Variants in NMNAT2 observed in about 807,000 individuals in gnomAD.
NMNAT2 encodes nicotinamide nucleotide adenylyltransferase 2, also known as nicotinamide/nicotinic acid mononucleotide adenylyltransferase 2.
NMNAT2 carries 11 observed loss-of-function variants against 41.6 expected under a neutral mutation model. The observed-to-expected ratio is 0.26, with a 90% CI of 0.17 to 0.44. The LOEUF is 0.44. Ranked by LOEUF, NMNAT2 falls within the 20% of genes least tolerant of loss-of-function variation. NMNAT2 has a pLI of 1.00. For missense variants in NMNAT2, 288 were observed against 407.7 expected (o/e 0.71, Z 2.53); for synonymous variants, 148 against 151.2 (o/e 0.98, Z 0.16).
At chr1:183,365,322 G>A (rs1424630285) in intron 1 of NMNAT2, among the ~76,000 whole-genome samples, 1 of 152,038 alleles carries the variant, frequency 6.6e-6, no homozygotes, top group Non-Finnish European at 1.5e-5. Context: ...CGGCAGCCCA[G>A]GGAGGATTAG....
chr1:183,295,208 G>T (rs61811578), intron 1 of NMNAT2, among the ~76,000 whole-genome samples: 14,623 of 152,040 alleles, frequency 0.096, 826 homozygotes, highest in Middle Eastern at 0.14. Flanking sequence ...CCACGTGTCG[G>T]CCAGGCTGGC....
rs1377416342 is a variant in NMNAT2 at position 183,260,163 on chromosome 1, C to T, written c.821+839G>A. On this transcript the variant is annotated intron_variant, in intron 10 of 10. Transcript: ENST00000287713. ...CCTCCACCCTTGAGCCAGTGTGATG[C>T]AAAGGGAAGTGGTATGCGCAACTCT... is the stretch of plus-strand genomic sequence containing the variant. Among the ~76,000 whole-genome samples the T allele has an allele frequency of 3.9e-5, 6 of 152,236 alleles. No homozygotes were observed. The East Asian group carries it at 1.2e-3, about 29-fold the overall frequency.
chr1:183,333,756 TAACTC>T (rs61289663), intron 1 of NMNAT2, among the ~76,000 whole-genome samples: 40,148 of 151,996 alleles, frequency 0.26, 5,965 homozygotes, highest in African/African-American at 0.41. Context: ...GACTTGCACA[TAACTC>T]AAGTCATTGC....
chr1:183,268,592 T>G (rs1660882034), intron 8 of NMNAT2, among the ~76,000 whole-genome samples: 4 of 152,322 alleles, frequency 2.6e-5, no homozygotes, highest in Admixed American at 2.6e-4. Flanking sequence ...ACCAAGTTGT[T>G]CTCAAGCACC....
At chr1:183,253,736 T>C (rs1425334192) in intron 10 of NMNAT2, among the ~76,000 whole-genome samples, 1 of 152,168 alleles carries the variant, frequency 6.6e-6, no homozygotes, top group African/African-American at 2.4e-5. Flanking sequence ...CTGGTAATCA[T>C]TGTTTTATTC....
intron 8 of NMNAT2, among the ~76,000 whole-genome samples, chr1:183,275,151 T>C (rs1275858134): frequency 2.0e-5 from 3 of 152,194 alleles, no homozygotes; most frequent in Non-Finnish European, 4.4e-5. Flanking sequence ...CCTGTCCTCA[T>C]GTTCGGGGTG....
intron 1 of NMNAT2, among the ~76,000 whole-genome samples, chr1:183,340,949 C>G (rs1189365784): frequency 6.6e-6 from 1 of 152,236 alleles, no homozygotes; most frequent in Admixed American, 6.5e-5. Flanking sequence ...AAAGGCTCCA[C>G]ATGCATTATT....
chr1:183,280,772 T>C (rs1374662681), intron 7 of NMNAT2, among the ~76,000 whole-genome samples: 6 of 123,500 alleles, frequency 4.9e-5, no homozygotes, highest in African/African-American at 8.8e-5. Flanking sequence ...TTAGTGTTAG[T>C]GTATTTTTTT....
intron 1 of NMNAT2, among the ~76,000 whole-genome samples, chr1:183,364,655 A>ATTTCTTTCTTTCTTTC (rs369286067): frequency 0.04 from 5,713 of 143,050 alleles, 191 homozygotes; most frequent in Middle Eastern, 0.065. Context: ...GGGGAGGATG[A>ATTTCTTTCTTTCTTTC]TTTCTTTCTT....
chr1:183,405,463 T>TA, intron 1 of NMNAT2, among the ~76,000 whole-genome samples: 1 of 152,314 alleles, frequency 6.6e-6, no homozygotes, highest in East Asian at 1.9e-4. Context: ...ACTTGGTTTT[T>TA]AAAAGATTCC....
chr1:183,405,685 TG>T (rs1416232246), intron 1 of NMNAT2, among the ~76,000 whole-genome samples: 1 of 152,262 alleles, frequency 6.6e-6, no homozygotes, highest in Admixed American at 6.5e-5. Flanking sequence ...TTATTTTTAT[TG>T]TTTTTTTTGT....
At chr1:183,346,874 A>G (rs755514312) in intron 1 of NMNAT2, among the ~76,000 whole-genome samples, 2 of 151,978 alleles carry the variant, frequency 1.3e-5, no homozygotes, top group Non-Finnish European at 2.9e-5. Context: ...CCTACACCCC[A>G]TTTTTACCCC....
chr1:183,376,138 A>T (rs117427431), intron 1 of NMNAT2, among the ~76,000 whole-genome samples: 2 of 152,342 alleles, frequency 1.3e-5, no homozygotes, highest in East Asian at 3.9e-4. Context: ...TTCAGCTAAC[A>T]TTTATGAGGA....
intron 1 of NMNAT2, among the ~76,000 whole-genome samples, chr1:183,410,688 A>G (rs1649091917): frequency 6.6e-6 from 1 of 151,736 alleles, no homozygotes; most frequent in African/African-American, 2.4e-5. Flanking sequence ...CATGCTGTTG[A>G]GGCTTCCATA....
chr1:183,288,459 T>C (rs1007030662), intron 4 of NMNAT2, among the ~76,000 whole-genome samples: 9 of 152,240 alleles, frequency 5.9e-5, no homozygotes, highest in African/African-American at 2.2e-4. Context: ...CTTTGCCAGC[T>C]TCTGCCCATC....
intron 1 of NMNAT2, among the ~76,000 whole-genome samples, chr1:183,328,746 T>C (rs1324824099): frequency 6.6e-6 from 1 of 152,250 alleles, no homozygotes; most frequent in Non-Finnish European, 1.5e-5. Flanking sequence ...TGCCGCAATC[T>C]ACAGAGTCTC....
intron 1 of NMNAT2, among the ~76,000 whole-genome samples, chr1:183,407,949 G>A (rs1035382156): frequency 6.6e-6 from 1 of 152,202 alleles, no homozygotes; most frequent in Non-Finnish European, 1.5e-5. Context: ...AATGTCCACT[G>A]TAAACCAAAC....
chr1:183,284,585 G>A (rs992662171), intron 6 of NMNAT2, 125 bp downstream of exon 6: 12 of 809,050 alleles, frequency 1.5e-5, no homozygotes, highest in Non-Finnish European at 2.4e-5. Flanking sequence ...GCACAAGTAC[G>A]CACACACACA....
chr1:183,286,288 C>T (rs1024860943), intron 5 of NMNAT2, among the ~76,000 whole-genome samples: 5 of 152,132 alleles, frequency 3.3e-5, no homozygotes, highest in South Asian at 2.1e-4. Context: ...GGTGGGGTTT[C>T]GTCATGTTGC....
Sources: gnomAD v4.1 joint callset for allele counts (sites outside exome capture counted in the v4.1 genomes callset) on GRCh38, gnomAD v4.1.1 for gene constraint, MANE v1.5 for transcripts, NCBI Gene and HGNC (gene_info 2026-07-23, HGNC 2026-07-21) for gene names.